The following SH3BP4 variants were observed in gnomAD, a reference collection of about 807,000 sequenced individuals.
SH3BP4 encodes SH3 domain binding protein 4.
SH3BP4 carries 33 observed loss-of-function variants against 65.5 expected under a neutral mutation model. The ratio of observed to expected loss-of-function variants is 0.50; its 90% CI spans 0.38 to 0.67. The LOEUF is 0.67. SH3BP4 is among the 30% of genes least tolerant of loss of function. The probability of loss-of-function intolerance (pLI) is 0.00; values close to 1 mark genes in which losing one functional copy is unlikely to be tolerated. For missense variants in SH3BP4, 1,134 were observed against 1,261.4 expected, an observed-to-expected ratio of 0.90 and a Z score of 1.53; for synonymous variants, 552 against 545.5, an observed-to-expected ratio of 1.01 and a Z score of -0.17.
chr2:235,022,303 C>CA (rs1213325904), intron 2 of SH3BP4, among the ~76,000 whole-genome samples: 1 of 152,142 alleles, frequency 6.6e-6, no homozygotes. Flanking sequence ...CTTGTGATCC[C>CA]AGCAGTTTCG....
intron 1 of SH3BP4, among the ~76,000 whole-genome samples, chr2:234,983,855 C>G (rs937624671): frequency 2.6e-5 from 4 of 152,238 alleles, no homozygotes; most frequent in South Asian, 2.1e-4. Flanking sequence ...CTCACCCCCT[C>G]GGAGCCTCCA....
chr2:235,028,031 C>G (rs1228454861), intron 2 of SH3BP4, among the ~76,000 whole-genome samples: 1 of 152,182 alleles, frequency 6.6e-6, no homozygotes, highest in Non-Finnish European at 1.5e-5. Flanking sequence ...GTGATTCCTT[C>G]TGTATGCAGT....
chr2:235,042,145 G>A lies in SH3BP4; in HGVS notation c.1376G>A (p.Ser459Asn). The A allele has an allele frequency of 6.2e-7, 1 of 1,614,002 alleles. No individual in the cohort carries two copies. Among genetic ancestry groups the A allele is most frequent in the Non-Finnish European group, 8.5e-7 (1 of 1,180,014 alleles). The change falls in exon 4 of 6, where the codon AGC becomes AAC. Residue 459 changes from serine to asparagine, a missense_variant. Transcript: ENST00000392011. This position sits in a 1 kb window ranked among gnomAD's most constrained non-coding sequence, Gnocchi z 7.3. Reference protein sequence around the residue: ...MYVAVVAHGPSILYPSTVWDF... With the variant: ...MYVAVVAHGPNILYPSTVWDF... ...GTGGCTGTCGTGGCCCATGGCCCAA[G>A]CATCCTCTACCCTTCCACCGTGTGG...
chr2:234,960,664 T>G (rs1559223434), intron 1 of SH3BP4, among the ~76,000 whole-genome samples: 2 of 152,206 alleles, frequency 1.3e-5, no homozygotes, highest in African/African-American at 4.8e-5. Context: ...CGCACACACT[T>G]GAAATGCTCA....
chr2:235,034,943 G>T lies in SH3BP4; in HGVS notation c.-60G>T. The T allele has an allele frequency of 1.4e-6, 2 of 1,427,468 alleles. No homozygotes were observed. The highest frequency in any genetic ancestry group is 2.0e-6 in the Non-Finnish European group (2 of 1,015,072). The allele number at this position is 1,427,468 out of a possible 1,614,324, so 88.4% of individuals were successfully genotyped here. A position where few individuals can be genotyped will look rare whatever the true frequency, so the allele number is the denominator to read the frequency against. On this transcript the variant is annotated 5_prime_UTR_variant, in exon 3 of 6. Coordinates refer to ENST00000392011, the MANE Select transcript of SH3BP4 (RefSeq NM_014521.3). The surrounding 1 kb of genome is among the most constrained non-coding windows in gnomAD (Gnocchi z 6.2). ...GAGGCAGAAGCTTCAGCATCTGCTG[G>T]GATAACTGGAGGAAGAAATATGAAG...
chr2:235,040,099 G>A (rs1180664151), intron 3 of SH3BP4, among the ~76,000 whole-genome samples: 4 of 152,152 alleles, frequency 2.6e-5, no homozygotes, highest in African/African-American at 7.2e-5. Context: ...GCCAGGCATG[G>A]TGGCACACAC....
chr2:235,038,698 T>C (rs1695539352), intron 3 of SH3BP4, among the ~76,000 whole-genome samples: 1 of 151,858 alleles, frequency 6.6e-6, no homozygotes, highest in African/African-American at 2.4e-5. Flanking sequence ...ATTCCCTGTG[T>C]CCTTGGAGAT....
At chr2:235,005,588 C>A (rs957177033) in intron 2 of SH3BP4, among the ~76,000 whole-genome samples, 1 of 152,130 alleles carries the variant, frequency 6.6e-6, no homozygotes, top group African/African-American at 2.4e-5. Context: ...ACACCTTGAG[C>A]CCCTCAGAGC....
At chr2:235,043,718 G>A (rs1196080407) in intron 4 of SH3BP4, among the ~76,000 whole-genome samples, 32 of 115,464 alleles carry the variant, frequency 2.8e-4, no homozygotes, top group Non-Finnish European at 5.5e-4. Flanking sequence ...AGATAGGTGC[G>A]GCTCAGCACA....
rs983230920 is a variant in SH3BP4, at chr2:234,967,421, C to T, written c.-207+15251C>T. 1.3e-5 allele frequency among the ~76,000 whole-genome samples: 2 copies of T among 152,072 alleles called. No homozygotes were observed. The highest frequency in any genetic ancestry group is 6.5e-5 in the Admixed American group (1 of 15,270). On this transcript the variant is annotated intron_variant, in intron 1 of 5. Coordinates refer to ENST00000392011, the MANE Select transcript of SH3BP4 (RefSeq NM_014521.3). This position sits in a 1 kb window ranked among gnomAD's most constrained non-coding sequence, Gnocchi z 4.6. ...CTCCTTGGAGGATGAGGGGAAGGCC[C>T]TAACACCAAGAGGGTGTGGAGCTGC...
Position 234,978,005 on chromosome 2 carries a change from GA to G in SH3BP4, c.-206-17297del, listed in dbSNP as rs1427100769. On this transcript the variant is annotated intron_variant, in intron 1 of 5. Transcript: ENST00000392011. This position sits in a 1 kb window ranked among gnomAD's most constrained non-coding sequence, Gnocchi z 4.1. ...AGTTTGGCTCTTGTTGGCCAGGCTG[GA>G]GTGCAGTGGCGCCATCTCTGCTCAC... 6.6e-6 allele frequency among the ~76,000 whole-genome samples: 1 copy of G among 152,110 alleles called. No individual in the cohort carries two copies. The highest frequency in any genetic ancestry group is 1.5e-5 in the Non-Finnish European group (1 of 68,026).
rs1695874334 is a variant in SH3BP4, at chr2:235,046,777, G to A, written c.2478+3530G>A. 6.6e-6 allele frequency among the ~76,000 whole-genome samples: 1 copy of A among 152,170 alleles called. No homozygotes were observed. Among genetic ancestry groups the A allele is most frequent in the Non-Finnish European group, 1.5e-5 (1 of 68,034 alleles). On this transcript the variant is annotated intron_variant, in intron 4 of 5. Coordinates refer to ENST00000392011, the MANE Select transcript of SH3BP4 (RefSeq NM_014521.3). The surrounding 1 kb of genome is among the most constrained non-coding windows in gnomAD (Gnocchi z 4.2). ...TGAATGAATGAATGAATGAATGCAG[G>A]CCTTGGGCTGGGCTAAGAATCCAAG... is the stretch of plus-strand genomic sequence containing the variant.
chr2:234,983,788 T>C (rs893577953), intron 1 of SH3BP4, among the ~76,000 whole-genome samples: 1 of 152,148 alleles, frequency 6.6e-6, no homozygotes, highest in Non-Finnish European at 1.5e-5. Flanking sequence ...GGAGGGGCCC[T>C]GAGCCAGGAA....
In SH3BP4 at chr2:235,035,033, T is replaced by C. The variant is rs141214389; in HGVS notation, c.31T>C (p.Ser11Pro). Residue 11 changes from serine to proline, a missense_variant, in exon 3 of 6, where the codon TCC becomes CCC. Coordinates refer to ENST00000392011, the MANE Select transcript of SH3BP4 (RefSeq NM_014521.3). The surrounding 1 kb of genome is among the most constrained non-coding windows in gnomAD (Gnocchi z 5.0). Reference sequence around the variant, plus strand: ...GGCTCAGCGGATCCGAGCGGCCAACTCCAATGGCCTCCCTCGCTGCAAGTC... The same window carrying C: ...GGCTCAGCGGATCCGAGCGGCCAACCCCAATGGCCTCCCTCGCTGCAAGTC... MAAQRIRAAN[S>P]NGLPRCKSEG... 1.5e-4 allele frequency: 249 copies of C among 1,613,982 alleles called. No individual in the cohort carries two copies. Among genetic ancestry groups the C allele is most frequent in the Non-Finnish European group, 2.0e-4 (237 of 1,180,022 alleles).
chr2:234,984,195 G>A (rs555800803), intron 1 of SH3BP4, among the ~76,000 whole-genome samples: 15 of 150,636 alleles, frequency 1.0e-4, no homozygotes, highest in Non-Finnish European at 2.1e-4. Context: ...ACGTGTATGA[G>A]TTTTCGTTTG....
At chr2:235,005,946 C>T (rs911874922) in intron 2 of SH3BP4, among the ~76,000 whole-genome samples, 5 of 152,348 alleles carry the variant, frequency 3.3e-5, no homozygotes, top group South Asian at 2.1e-4. Flanking sequence ...TCTTGCGTGC[C>T]CGCCTGTGTT....
At chr2:234,971,626 G>A (rs1325735838) in intron 1 of SH3BP4, among the ~76,000 whole-genome samples, 2 of 152,204 alleles carry the variant, frequency 1.3e-5, no homozygotes, top group East Asian at 1.9e-4. Flanking sequence ...CAAGGGTTCC[G>A]GTTCCTTCAC....
rs1017254039 is a variant in SH3BP4 at position 235,046,776 on chromosome 2, G to T, written c.2478+3529G>T. 1.9e-4 allele frequency among the ~76,000 whole-genome samples: 29 copies of T among 149,070 alleles called. No homozygotes were observed. Among genetic ancestry groups the T allele is most frequent in the Admixed American group, 4.7e-4 (7 of 14,984 alleles). On this transcript the variant is annotated intron_variant, in intron 4 of 5. Transcript: ENST00000392011. The surrounding 1 kb of genome is among the most constrained non-coding windows in gnomAD (Gnocchi z 4.2). Reference sequence around the variant, plus strand: ...ATGAATGAATGAATGAATGAATGCAGGCCTTGGGCTGGGCTAAGAATCCAA... The same window carrying T: ...ATGAATGAATGAATGAATGAATGCATGCCTTGGGCTGGGCTAAGAATCCAA...
At chr2:235,053,080 T>C (rs1030705061) in intron 5 of SH3BP4, among the ~76,000 whole-genome samples, 2 of 152,228 alleles carry the variant, frequency 1.3e-5, no homozygotes, top group African/African-American at 2.4e-5. Context: ...ACAGAGGACT[T>C]TGTGAGCCGC....
Sources: gnomAD v4.1 joint callset for allele counts (sites outside exome capture counted in the v4.1 genomes callset) on GRCh38, gnomAD v4.1.1 for gene constraint, Gnocchi (gnomAD v3.1) non-coding constraint, MANE v1.5 for transcripts, NCBI Gene and HGNC (gene_info 2026-07-23, HGNC 2026-07-21) for gene names.